Variants in SLC35F3 observed in about 807,000 individuals in gnomAD.
The protein encoded by SLC35F3 is putative thiamine transporter SLC35F3.
SLC35F3 carries 25 observed loss-of-function variants against 49.9 expected under a neutral mutation model. The ratio of observed to expected loss-of-function variants is 0.50; its 90% CI spans 0.37 to 0.70. The LOEUF (loss-of-function observed/expected upper bound fraction) is 0.70. Ranked by LOEUF, SLC35F3 falls within the 30% of genes least tolerant of loss-of-function variation. The pLI is 0.00. For missense variants in SLC35F3, 525 were observed against 639.8 expected (o/e 0.82, Z 1.94); for synonymous variants, 275 against 265.4 (o/e 1.04, Z -0.35).
At chr1:234,181,488 T>A (rs1271598983) in intron 2 of SLC35F3, among the ~76,000 whole-genome samples, 1 of 152,234 alleles carries the variant, frequency 6.6e-6, no homozygotes, top group African/African-American at 2.4e-5. Flanking sequence ...TTAAATAGTT[T>A]GTTTGCATCA....
chr1:234,039,815 G>A (rs184923640), intron 2 of SLC35F3, among the ~76,000 whole-genome samples: 173 of 152,284 alleles, frequency 1.1e-3, no homozygotes, highest in African/African-American at 3.8e-3. Flanking sequence ...CACGCCCCGC[G>A]GCAGCATCCA....
In SLC35F3 at chr1:234,309,227, C is replaced by T. The variant is rs767672415; in HGVS notation, c.735C>T (p.Asn245=). 1 of 1,613,922 alleles carries T rather than the reference C, an allele frequency of 6.2e-7. No homozygotes were observed. The highest frequency in any genetic ancestry group is 8.5e-7 in the Non-Finnish European group (1 of 1,179,916). ...YLYLHAIKKI[N]TTDVSVLFCC... Reference sequence around the variant, plus strand: ...ACTTACATGCAATAAAGAAAATAAACACTACGGATGTCTCCGTGTTGTTCT... The same window carrying T: ...ACTTACATGCAATAAAGAAAATAAATACTACGGATGTCTCCGTGTTGTTCT... The change falls in exon 4 of 8, where the codon AAC becomes AAT. Residue 245 remains asparagine (N), a synonymous_variant. Coordinates refer to ENST00000366618, the MANE Select transcript of SLC35F3 (RefSeq NM_173508.4).
At chr1:234,209,525 T>G (rs1317630508) in intron 2 of SLC35F3, among the ~76,000 whole-genome samples, 1 of 152,078 alleles carries the variant, frequency 6.6e-6, no homozygotes, top group Non-Finnish European at 1.5e-5. Flanking sequence ...AGTGTTCACT[T>G]AAGGAATATC....
At chr1:234,045,027 A>G (rs1390089912) in intron 2 of SLC35F3, among the ~76,000 whole-genome samples, 1 of 152,176 alleles carries the variant, frequency 6.6e-6, no homozygotes, top group African/African-American at 2.4e-5. Flanking sequence ...ACCTTGAGTA[A>G]GTCTCCCTGT....
chr1:234,153,140 A>C (rs1666100159), intron 2 of SLC35F3, among the ~76,000 whole-genome samples: 1 of 152,210 alleles, frequency 6.6e-6, no homozygotes. Flanking sequence ...ACATGCAAAA[A>C]CTCAAGGAAT....
intron 2 of SLC35F3, among the ~76,000 whole-genome samples, chr1:234,205,473 A>C (rs939297838): frequency 6.6e-6 from 1 of 152,222 alleles, no homozygotes; most frequent in African/African-American, 2.4e-5. Flanking sequence ...AGCAGAGACA[A>C]TGCCTGAGAA....
intron 3 of SLC35F3, among the ~76,000 whole-genome samples, chr1:234,244,310 C>T (rs971500001): frequency 6.6e-6 from 1 of 152,096 alleles, no homozygotes. Flanking sequence ...GGATCATGTC[C>T]GTCTTGCTCA....
At position 233,926,234 on chromosome 1, in the gene SLC35F3, A is replaced by G. The variant is rs113098385; in HGVS notation, c.283+20476A>G. ...ATAACATCCTGAAGAGTGTTTTCCAACTCGGTTCCATTCTCCCTGTCACTT... is the reference window on the plus strand; with the variant it reads ...ATAACATCCTGAAGAGTGTTTTCCAGCTCGGTTCCATTCTCCCTGTCACTT... On this transcript the variant is annotated intron_variant, in intron 2 of 7. Coordinates refer to ENST00000366618, the MANE Select transcript of SLC35F3 (RefSeq NM_173508.4). Among the ~76,000 whole-genome samples, 408 of 152,128 alleles carry G rather than the reference A, an allele frequency of 2.7e-3. 4 individuals are homozygous for G. Among genetic ancestry groups the G allele is most frequent in the African/African-American group, 9.5e-3 (395 of 41,488 alleles).
intron 2 of SLC35F3, among the ~76,000 whole-genome samples, chr1:233,931,671 A>G (rs892449143): frequency 4.6e-5 from 7 of 152,240 alleles, no homozygotes; most frequent in African/African-American, 1.7e-4. Context: ...GTGGAGAAAT[A>G]GGAACGCTTT....
intron 2 of SLC35F3, among the ~76,000 whole-genome samples, chr1:233,924,706 T>C (rs1423205106): frequency 6.6e-6 from 1 of 152,222 alleles, no homozygotes; most frequent in Non-Finnish European, 1.5e-5. Flanking sequence ...GCTTCTCTTG[T>C]TCTTTTAATT....
intron 3 of SLC35F3, among the ~76,000 whole-genome samples, chr1:234,281,632 A>G (rs575173580): frequency 6.6e-6 from 1 of 152,330 alleles, no homozygotes; most frequent in Admixed American, 6.5e-5. Context: ...TGAGACATAC[A>G]TCATGGGATA....
chr1:233,918,017 A>G (rs1661998830), intron 2 of SLC35F3, among the ~76,000 whole-genome samples: 1 of 19,240 alleles, frequency 5.2e-5, no homozygotes, highest in South Asian at 0.045. Context: ...CTTAGCTAAA[A>G]TGCAGGGAAG....
At chr1:234,002,389 C>T (rs1572015534) in intron 2 of SLC35F3, among the ~76,000 whole-genome samples, 1 of 152,270 alleles carries the variant, frequency 6.6e-6, no homozygotes, top group Non-Finnish European at 1.5e-5. Context: ...TTAGATTCCT[C>T]TGAGCTGTGA....
At chr1:234,081,383 C>T (rs1664873097) in intron 2 of SLC35F3, among the ~76,000 whole-genome samples, 1 of 152,156 alleles carries the variant, frequency 6.6e-6, no homozygotes, top group Non-Finnish European at 1.5e-5. Context: ...TCATTGCAAA[C>T]ATTGTTTTTG....
chr1:234,295,425 C>G (rs1251767519), intron 3 of SLC35F3, among the ~76,000 whole-genome samples: 1 of 152,210 alleles, frequency 6.6e-6, no homozygotes, highest in Non-Finnish European at 1.5e-5. Context: ...CATTCCCTTT[C>G]ATGGTGACAA....
intron 3 of SLC35F3, among the ~76,000 whole-genome samples, chr1:234,275,598 GAC>G (rs1668192430): frequency 6.7e-6 from 1 of 150,364 alleles, no homozygotes; most frequent in African/African-American, 2.4e-5. Flanking sequence ...TAGACAGACA[GAC>G]AGACACACAC....
intron 3 of SLC35F3, among the ~76,000 whole-genome samples, chr1:234,267,877 TCC>T (rs1668020692): frequency 7.8e-6 from 1 of 129,018 alleles, no homozygotes; most frequent in African/African-American, 3.3e-5. Context: ...GCAGAGGTGC[TCC>T]CCACATCTCA....
intron 2 of SLC35F3, among the ~76,000 whole-genome samples, chr1:234,091,798 T>G (rs1665047616): frequency 6.6e-6 from 1 of 152,266 alleles, no homozygotes; most frequent in South Asian, 2.1e-4. Context: ...GTGTCTATCT[T>G]AAACAGTTGT....
chr1:234,208,354 A>T (rs1384168657), intron 2 of SLC35F3, among the ~76,000 whole-genome samples: 1 of 152,224 alleles, frequency 6.6e-6, no homozygotes, highest in Non-Finnish European at 1.5e-5. Flanking sequence ...CATGTGAACC[A>T]GTCCAAGTAG....
Sources: gnomAD v4.1 joint callset for allele counts (sites outside exome capture counted in the v4.1 genomes callset) on GRCh38, gnomAD v4.1.1 for gene constraint, MANE v1.5 for transcripts, NCBI Gene and HGNC (gene_info 2026-07-23, HGNC 2026-07-21) for gene names.